Variants in SARAF observed in about 807,000 individuals in gnomAD.
SARAF encodes store-operated calcium entry associated regulatory factor, also known as store-operated calcium entry-associated regulatory factor.
Under a neutral mutation model 39.7 loss-of-function variants are expected in SARAF, and 23 were observed. The ratio of observed to expected loss-of-function variants is 0.58; its 90% CI spans 0.42 to 0.82. The LOEUF is 0.82. SARAF is among the 40% of genes least tolerant of loss of function. The pLI is 0.00. For synonymous variants in SARAF, 175 were observed against 168.5 expected (o/e 1.04, Z -0.30); for missense variants, 384 against 418.5 (o/e 0.92, Z 0.72).
At chr8:30,079,024 G>A (rs1024868112) in intron 1 of SARAF, among the ~76,000 whole-genome samples, 3 of 152,010 alleles carry the variant, frequency 2.0e-5, no homozygotes, top group African/African-American at 7.2e-5. Flanking sequence ...GGACGTGGTG[G>A]CATACGCCCG....
rs112294172 is a variant in SARAF, at chr8:30,081,818, G to A, written c.103+1029C>T. Among the ~76,000 whole-genome samples the A allele has an allele frequency of 5.3e-3, 801 of 150,876 alleles. 10 individuals are homozygous for A. Among genetic ancestry groups the A allele is most frequent in the African/African-American group, 0.019 (773 of 41,024 alleles). On this transcript the variant is annotated intron_variant, in intron 1 of 5. Coordinates refer to ENST00000256255, the MANE Select transcript of SARAF (RefSeq NM_016127.6). ...GTCAAAATCTGTATCTAAGTATATA[G>A]ACATATACGTATTAATTGCACGGAA... is the stretch of plus-strand genomic sequence containing the variant.
At chr8:30,079,242 A>T (rs1000700751) in intron 1 of SARAF, among the ~76,000 whole-genome samples, 2 of 151,100 alleles carry the variant, frequency 1.3e-5, no homozygotes, top group African/African-American at 2.4e-5. Context: ...CAAAAGAAAG[A>T]TCAGAAATAA....
At chr8:30,081,792 A>G (rs1460508395) in intron 1 of SARAF, among the ~76,000 whole-genome samples, 1 of 151,876 alleles carries the variant, frequency 6.6e-6, no homozygotes, top group Non-Finnish European at 1.5e-5. Context: ...ACATGGAAAA[A>G]GTCAAAATCT....
At chr8:30,065,200 AAC>A (rs1437484859) in intron 5 of SARAF, among the ~76,000 whole-genome samples, 7 of 152,174 alleles carry the variant, frequency 4.6e-5, no homozygotes, top group Non-Finnish European at 7.3e-5. Flanking sequence ...GGATGCTATG[AAC>A]AGTCTTGTGC....
In SARAF at chr8:30,070,058, C is replaced by G; in HGVS notation, c.284G>C (p.Trp95Ser). The change falls in exon 3 of 6, where the codon TGG (tryptophan) becomes TCG (serine). Residue 95 changes from tryptophan to serine, a missense_variant and splice_region_variant. Coordinates refer to ENST00000256255, the MANE Select transcript of SARAF (RefSeq NM_016127.6). ...NKGWDGYDVQ[W>S]ECKTDLDIAY... is the part of the protein sequence containing the mutation. ...AATATCTAAGTCCGTCTTACATTCC[C>G]ACTGTGAAGAAAAATAGAAACAGAC... The G allele has an allele frequency of 1.9e-6, 3 of 1,589,100 alleles. No homozygotes were observed. The highest frequency in any genetic ancestry group is 2.6e-6 in the Non-Finnish European group (3 of 1,172,008).
In SARAF at chr8:30,064,550, TATATATATATA is replaced by T. The variant is rs375711636; in HGVS notation, c.995-648_995-638del. ...TTACCTAGCCATATATATATATATA[TATATATATATA>T]TTTTTTTTTTTTTTTTTTGAGACAG... is the stretch of plus-strand genomic sequence containing the variant. On this transcript the variant is annotated intron_variant, in intron 5 of 5. Coordinates refer to ENST00000256255, the MANE Select transcript of SARAF (RefSeq NM_016127.6). Among the ~76,000 whole-genome samples, 38 of 39,922 alleles carry T rather than the reference TATATATATATA, an allele frequency of 9.5e-4. 2 individuals carry two copies. Among genetic ancestry groups the T allele is most frequent in the South Asian group, 5.6e-3 (6 of 1,070 alleles). 26.2% of individuals were successfully genotyped at this position (39,922 alleles called of 152,430 possible). A position where few individuals can be genotyped will look rare whatever the true frequency, so the allele number is the denominator to read the frequency against.
chr8:30,063,813 G>A lies in SARAF; in HGVS notation c.*75C>T. 1 of 1,249,410 alleles carries A rather than the reference G, an allele frequency of 8.0e-7. No homozygotes were observed. Among genetic ancestry groups the A allele is most frequent in the East Asian group, 2.3e-5 (1 of 43,098 alleles). 77.4% of individuals were successfully genotyped at this position (1,249,410 alleles called of 1,614,324 possible). ...CCCTTTTCCCAATTGTTAACAGGTA[G>A]TACTTTTTTTCTAAAGAGAAAGTGA... On this transcript the variant is annotated 3_prime_UTR_variant, in exon 6 of 6. Coordinates refer to ENST00000256255, the MANE Select transcript of SARAF (RefSeq NM_016127.6).
upstream of SARAF, chr8:30,083,179 G>T (rs1332979300): frequency 6.9e-6 from 3 of 435,966 alleles, no homozygotes; most frequent in Admixed American, 4.7e-5. Flanking sequence ...CTGGAGCACA[G>T]CGCGGCTTGG....
chr8:30,082,952 C>A lies in SARAF; in HGVS notation c.-3G>T. 1 of 1,540,938 alleles carries A rather than the reference C, an allele frequency of 6.5e-7. No homozygotes were observed. Among genetic ancestry groups the A allele is most frequent in the Non-Finnish European group, 8.7e-7 (1 of 1,144,078 alleles). ...CCCGGCCCGCAGGCTGCGGCCATGG[C>A]GCTCGATGAAGATGGCGCCGGGCTG... On this transcript the variant is annotated 5_prime_UTR_variant, in exon 1 of 6. Coordinates refer to ENST00000256255, the MANE Select transcript of SARAF (RefSeq NM_016127.6).
chr8:30,068,017 A>T (rs1040948257), intron 3 of SARAF, among the ~76,000 whole-genome samples: 3 of 152,124 alleles, frequency 2.0e-5, no homozygotes, highest in Admixed American at 2.0e-4. Flanking sequence ...TATGGTGGTT[A>T]TCTGGTGGCT....
rs1300664612 is a variant in SARAF, at chr8:30,069,795, G to C, written c.547C>G (p.Leu183Val). ...MSGLITIVVL[L>V]GIAFVVYKLF... ...TTATAGACTACAAACGCGATCCCAAGGAGTACCACAATGGTAATCAATCCA... is the reference window on the plus strand; with the variant it reads ...TTATAGACTACAAACGCGATCCCAACGAGTACCACAATGGTAATCAATCCA... Residue 183 changes from leucine to valine, a missense_variant, in exon 3 of 6, where the codon CTT becomes GTT. Physicochemically the swap from Leu to Val is conservative, Grantham distance 32. Transcript: ENST00000256255. 6.2e-7 allele frequency: 1 copy of C among 1,614,130 alleles called. No homozygotes were observed. Among genetic ancestry groups the C allele is most frequent in the East Asian group, 2.2e-5 (1 of 44,860 alleles).
chr8:30,075,990 AC>A (rs145408976), intron 1 of SARAF, among the ~76,000 whole-genome samples: 73,423 of 90,806 alleles, frequency 0.81, 33,944 homozygotes, highest in Non-Finnish European at 0.9. Context: ...CTAAAAAAAA[AC>A]AAAAAAAAAA....
intron 1 of SARAF, 150 bp from the exon 2 acceptor site, chr8:30,074,205 C>T: frequency 1.2e-6 from 1 of 861,934 alleles, no homozygotes; most frequent in Non-Finnish European, 1.7e-6. Context: ...AAAACTATCC[C>T]AACAACATTC....
intron 1 of SARAF, among the ~76,000 whole-genome samples, chr8:30,077,465 T>C (rs1051021156): frequency 1.3e-5 from 2 of 149,776 alleles, no homozygotes; most frequent in Non-Finnish European, 3.0e-5. Context: ...AATAAATAAA[T>C]ACATACATAC....
At chr8:30,068,326 C>T (rs924773816) in intron 3 of SARAF, among the ~76,000 whole-genome samples, 8 of 152,072 alleles carry the variant, frequency 5.3e-5, no homozygotes, top group African/African-American at 1.4e-4. Context: ...ACTGCACATG[C>T]GAGGGATCTA....
intron 1 of SARAF, among the ~76,000 whole-genome samples, chr8:30,077,458 A>G (rs1435198611): frequency 6.6e-6 from 1 of 152,008 alleles, no homozygotes; most frequent in East Asian, 1.9e-4. Flanking sequence ...AAACATAAAT[A>G]AATAAATACA....
At chr8:30,078,294 C>G (rs1285650498) in intron 1 of SARAF, 1 of 430,760 alleles carries the variant, frequency 2.3e-6, no homozygotes, top group Non-Finnish European at 4.5e-6. Context: ...TAGACAAACT[C>G]CAGGCTGTAA....
intron 2 of SARAF, among the ~76,000 whole-genome samples, chr8:30,072,312 A>T (rs1205099994): frequency 1.3e-5 from 2 of 152,070 alleles, no homozygotes; most frequent in African/African-American, 4.8e-5. Context: ...GAGTTGTAAG[A>T]GTTATTTTAT....
chr8:30,074,966 A>C (rs1236223180), intron 1 of SARAF, among the ~76,000 whole-genome samples: 2 of 152,192 alleles, frequency 1.3e-5, no homozygotes, highest in Non-Finnish European at 2.9e-5. Context: ...TGAAAGGAGG[A>C]GTCAAAACAA....
Sources: allele counts gnomAD v4.1 joint callset (sites outside exome capture counted in the v4.1 genomes callset), GRCh38; gene constraint gnomAD v4.1.1; transcripts MANE v1.5; gene names NCBI Gene and HGNC (gene_info 2026-07-23, HGNC 2026-07-21).